Variants in STING1 observed in about 807,000 individuals in gnomAD.
STING1 encodes the protein stimulator of interferon genes protein.
In STING1, 19 loss-of-function variants were observed where a neutral mutation model predicts 31.6. The ratio of observed to expected loss-of-function variants is 0.60; its 90% CI spans 0.42 to 0.88. The LOEUF is 0.88. STING1 is among the 40% of genes least tolerant of loss of function. The pLI is 0.00. For synonymous variants in STING1, 200 were observed against 208.6 expected, an observed-to-expected ratio of 0.96 and a Z score of 0.35; for missense variants, 371 against 483.7, an observed-to-expected ratio of 0.77 and a Z score of 2.19.
Position 139,482,191 on chromosome 5 carries a change from A to G in STING1, c.-1+19T>C, listed in dbSNP as rs959422485. On this transcript the variant is annotated intron_variant, in intron 2 of 7. Transcript: ENST00000330794. ...GGGGCCCTAGGTTTGGCGTTCTGCC[A>G]GGCTGATCTTGAGCCTACCTTCTGC... 2 of 153,168 alleles carry G rather than the reference A, an allele frequency of 1.3e-5. No homozygotes were observed. Among genetic ancestry groups the G allele is most frequent in the Non-Finnish European group, 1.5e-5 (1 of 68,722 alleles). 9.5% of individuals were successfully genotyped at this position (153,168 alleles called of 1,614,324 possible). A position where few individuals can be genotyped will look rare whatever the true frequency, so the allele number is the denominator to read the frequency against.
rs752593968 is a variant in STING1, at chr5:139,478,339, A to G, written c.690T>C (p.Gly230=). Residue 230 remains glycine (G), a synonymous_variant, in exon 6 of 8, where the codon GGT becomes GGC. Transcript: ENST00000330794. ...CCCGATCCTTGATGCCAGCATGGTC[A>G]CCGGTCTGCTGGGGCAGTTTATCCA... ...RFLDKLPQQT[G]DHAGIKDRVY... is the part of the protein sequence containing the mutation. 5 of 1,614,032 alleles carry G rather than the reference A, an allele frequency of 3.1e-6. No individual in the cohort carries two copies. In the African/African-American group the frequency reaches 5.3e-5, roughly 17 times the overall value.
rs1751633704 is a variant in STING1 at position 139,475,704 on chromosome 5, A to T, written c.*557T>A. ...CTAGAGATAGTCATGATTACGCAAGAGTTGCCCGGCAGGAGAGTCCATAGC... is the reference window on the plus strand; with the variant it reads ...CTAGAGATAGTCATGATTACGCAAGTGTTGCCCGGCAGGAGAGTCCATAGC... On this transcript the variant is annotated 3_prime_UTR_variant, in exon 8 of 8. Coordinates refer to ENST00000330794, the MANE Select transcript of STING1 (RefSeq NM_198282.4). The T allele has an allele frequency of 6.6e-6, 1 of 152,494 alleles. No homozygotes were observed. Among genetic ancestry groups the T allele is most frequent in the African/African-American group, 2.4e-5 (1 of 41,438 alleles). The allele number at this position is 152,494 out of a possible 1,614,324, so 9.4% of individuals were successfully genotyped here.
chr5:139,476,154 GC>G lies in STING1; in HGVS notation c.*106del. 2 of 880,680 alleles carry G rather than the reference GC, an allele frequency of 2.3e-6. No homozygotes were observed. The highest frequency in any genetic ancestry group is 1.8e-5 in the South Asian group (1 of 56,576). 54.6% of individuals were successfully genotyped at this position (880,680 alleles called of 1,614,324 possible). A position where few individuals can be genotyped will look rare whatever the true frequency, so the allele number is the denominator to read the frequency against. On this transcript the variant is annotated 3_prime_UTR_variant, in exon 8 of 8. Coordinates refer to ENST00000330794, the MANE Select transcript of STING1 (RefSeq NM_198282.4). ...CAAGTCCTGGACCCTTCCCTGCAAG[GC>G]CCCCTGTGGAAGGAAATAGCTCTGC...
At chr5:139,479,073 AC>A (rs1751751686) in intron 5 of STING1, 1 of 153,336 alleles carries the variant, frequency 6.5e-6, no homozygotes, top group Admixed American at 6.5e-5. Context: ...TACTAAAAAT[AC>A]AAAAATTAGC....
chr5:139,477,021 G>T (rs1445599009), intron 7 of STING1, among the ~76,000 whole-genome samples: 1 of 152,086 alleles, frequency 6.6e-6, no homozygotes, highest in Non-Finnish European at 1.5e-5. Flanking sequence ...GGGAGTAGTA[G>T]AGCCGAGGCT....
Position 139,476,380 on chromosome 5 carries a change from C to A in STING1, c.1021G>T (p.Val341Phe). The A allele has an allele frequency of 6.2e-7, 1 of 1,612,772 alleles. No homozygotes were observed. The highest frequency in any genetic ancestry group is 8.5e-7 in the Non-Finnish European group (1 of 1,180,018). The stretch of plus-strand genomic sequence containing the variant: ...GAGGTCTTCAAGCTGCCCACAGTAA[C>A]CTCTTCCTTTTCCTCCTGCCGCAGG... Reference protein sequence around the residue: ...RHLRQEEKEEVTVGSLKTSAV... With the variant: ...RHLRQEEKEEFTVGSLKTSAV... Residue 341 changes from valine (V) to phenylalanine (F), a missense_variant, in exon 8 of 8, where the codon GTT becomes TTT. Physicochemically the swap from Val to Phe is conservative, Grantham distance 50. Transcript: ENST00000330794.
At chr5:139,480,003 C>CAAA (rs552338116) in intron 5 of STING1, among the ~76,000 whole-genome samples, 1 of 89,004 alleles carries the variant, frequency 1.1e-5, no homozygotes. Context: ...GACTTTGTCT[C>CAAA]AAAAAAAAAA....
chr5:139,479,848 C>CAAAAAAAAAAAA lies in STING1; in HGVS notation c.520+930_520+941dup, dbSNP rs1168023127. 8.3e-4 allele frequency among the ~76,000 whole-genome samples: 29 copies of CAAAAAAAAAAAA among 34,912 alleles called. 7 individuals carry two copies. The highest frequency in any genetic ancestry group is 1.1e-3 in the Non-Finnish European group (26 of 23,892). The allele number at this position is 34,912 out of a possible 152,430, so 22.9% of individuals were successfully genotyped here. A position where few individuals can be genotyped will look rare whatever the true frequency, so the allele number is the denominator to read the frequency against. On this transcript the variant is annotated intron_variant, in intron 5 of 7. Coordinates refer to ENST00000330794, the MANE Select transcript of STING1 (RefSeq NM_198282.4). ...TGAAACCCTGTCTCTACTAAAAATACAAAAAAAAAAAAAAAAAAAAAAAAA... is the reference window on the plus strand; with the variant it reads ...TGAAACCCTGTCTCTACTAAAAATACAAAAAAAAAAAAAAAAAAAAAAAAAAAAAAAAAAAAA...
chr5:139,477,973 C>A (rs1478806833), intron 6 of STING1, among the ~76,000 whole-genome samples: 1 of 152,172 alleles, frequency 6.6e-6, no homozygotes, highest in Non-Finnish European at 1.5e-5. Flanking sequence ...TGTCTCTGAG[C>A]CTCAGTGTCC....
At position 139,478,461 on chromosome 5, in the gene STING1, G is replaced by A. The variant is rs780364009; in HGVS notation, c.568C>T (p.Leu190=). The A allele has an allele frequency of 1.2e-6, 2 of 1,614,182 alleles. No individual in the cohort carries two copies. The highest frequency in any genetic ancestry group is 2.2e-5 in the East Asian group (1 of 44,884). ...RTYNQHYNNL[L]RGAVSQRLYI... is the part of the protein sequence containing the mutation. ...AGCCGCTGGCTCACTGCACCCCGTA[G>A]CAGGTTGTTGTAATGCTGATTGTAA... The change falls in exon 6 of 8, where the codon CTA becomes TTA. Residue 190 remains leucine (L), a synonymous_variant. Transcript: ENST00000330794.
chr5:139,481,155 A>G lies in STING1; in HGVS notation c.411+4T>C, dbSNP rs375733291. On this transcript the variant is annotated splice_donor_region_variant and intron_variant, in intron 4 of 7. Coordinates refer to ENST00000330794, the MANE Select transcript of STING1 (RefSeq NM_198282.4). The surrounding 1 kb of genome is among the most constrained non-coding windows in gnomAD (Gnocchi z 4.1). ...CAGAGCTTCTACCTCCCCCTGTGTC[A>G]TACCTTGAGGCCCAGGAGGATGTTC... 1.5e-5 allele frequency: 25 copies of G among 1,613,870 alleles called. No homozygotes were observed. The highest frequency in any genetic ancestry group is 1.7e-4 in the Middle Eastern group (1 of 6,026).
At position 139,478,268 on chromosome 5, in the gene STING1, A is replaced by G; in HGVS notation, c.759+2T>C. 6.2e-7 allele frequency: 1 copy of G among 1,610,792 alleles called. No homozygotes were observed. Among genetic ancestry groups the G allele is most frequent in the Non-Finnish European group, 8.5e-7 (1 of 1,177,950 alleles). On this transcript the variant is annotated splice_donor_variant, in intron 6 of 7. Transcript: ENST00000330794. LOFTEE classifies it high-confidence loss of function. ...GAGACCCCCACTCCCCTGCACACTT[A>G]CCCGCTGCCCGTTCTCCAGAAGCTC...
In STING1 at chr5:139,478,406, AC is replaced by A. The variant is rs747566202; in HGVS notation, c.622del (p.Val208CysfsTer5). 6.8e-6 allele frequency: 11 copies of A among 1,614,000 alleles called. No homozygotes were observed. The African/African-American group carries it at 1.5e-4, about 22-fold the overall frequency. On this transcript the variant is annotated frameshift_variant, in exon 6 of 8. Coordinates refer to ENST00000330794, the MANE Select transcript of STING1 (RefSeq NM_198282.4). LOFTEE classifies it high-confidence loss of function. ...LYILLPLDCG[V>X]PDNLSMADPN... ...GTCAGCCATACTCAGGTTATCAGGC[AC>A]CCCACAGTCCAATGGGAGGAGAATA... is the stretch of plus-strand genomic sequence containing the variant.
At position 139,481,300 on chromosome 5, in the gene STING1, G is replaced by A; in HGVS notation, c.270C>T (p.Gly90=). ...ACAGGGCCCCACGGCGGAGGGGGCAGCCCAGGCAGGCCCGCACAGTCCTCC... is the reference window on the plus strand; with the variant it reads ...ACAGGGCCCCACGGCGGAGGGGGCAACCCAGGCAGGCCCGCACAGTCCTCC... ...SYWRTVRACL[G]CPLRRGALLL... is the part of the protein sequence containing the mutation. The change falls in exon 4 of 8, where the codon GGC becomes GGT. Residue 90 remains glycine, a synonymous_variant. Transcript: ENST00000330794. The surrounding 1 kb of genome is among the most constrained non-coding windows in gnomAD (Gnocchi z 4.1). 6.2e-7 allele frequency: 1 copy of A among 1,609,018 alleles called. No homozygotes were observed. Among genetic ancestry groups the A allele is most frequent in the Non-Finnish European group, 8.5e-7 (1 of 1,177,530 alleles).
rs1470303750 is a variant in STING1, at chr5:139,476,006, G to A, written c.*255C>T. ...TTTATGAAAAACTTCCACACACTCA[G>A]TCCTCACAACAACCGTGAGGGAGGT... is the stretch of plus-strand genomic sequence containing the variant. On this transcript the variant is annotated 3_prime_UTR_variant, in exon 8 of 8. Transcript: ENST00000330794. 4.5e-6 allele frequency: 2 copies of A among 441,176 alleles called. No homozygotes were observed. The highest frequency in any genetic ancestry group is 3.9e-5 in the African/African-American group (2 of 51,420). 27.3% of individuals were successfully genotyped at this position (441,176 alleles called of 1,614,324 possible).
At chr5:139,478,577 C>T (rs1751734739) in intron 5 of STING1, 69 bp from the exon 6 acceptor site, 4 of 1,368,266 alleles carry the variant, frequency 2.9e-6, no homozygotes, top group Non-Finnish European at 3.1e-6. Context: ...GAGTGAGACC[C>T]AGGTCATTGG....
At position 139,481,725 on chromosome 5, in the gene STING1, A is replaced by G; in HGVS notation, c.1-21T>C. 6.3e-7 allele frequency: 1 copy of G among 1,578,848 alleles called. No individual in the cohort carries two copies. On this transcript the variant is annotated intron_variant, in intron 2 of 7. Transcript: ENST00000330794. The surrounding 1 kb of genome is among the most constrained non-coding windows in gnomAD (Gnocchi z 4.1). The stretch of plus-strand genomic sequence containing the variant: ...GGCATCTGTGGGCACCAAGAAATCC[A>G]TGACCATTCTCCCCTTGCCCTCCTG...
rs1284542477 is a variant in STING1 at position 139,475,942 on chromosome 5, G to T, written c.*319C>A. 4.5e-6 allele frequency: 1 copy of T among 222,542 alleles called. No individual in the cohort carries two copies. The highest frequency in any genetic ancestry group is 2.3e-5 in the African/African-American group (1 of 44,338). 13.8% of individuals were successfully genotyped at this position (222,542 alleles called of 1,614,324 possible). On this transcript the variant is annotated 3_prime_UTR_variant, in exon 8 of 8. Coordinates refer to ENST00000330794, the MANE Select transcript of STING1 (RefSeq NM_198282.4). ...AGTGGGTCTGGAAGGCCCCATGAAA[G>T]ACACCTGGCACACCCCCTAAGTACA...
intron 7 of STING1, 104 bp from the exon 8 acceptor site, chr5:139,476,558 C>T (rs534922966): frequency 6.8e-6 from 7 of 1,025,736 alleles, no homozygotes; most frequent in Admixed American, 2.4e-5. Flanking sequence ...TCCCTACCCC[C>T]CTTCCTACCC....
Sources: gnomAD v4.1 joint callset for allele counts (sites outside exome capture counted in the v4.1 genomes callset) on GRCh38, gnomAD v4.1.1 for gene constraint, Gnocchi (gnomAD v3.1) non-coding constraint, MANE v1.5 for transcripts, NCBI Gene and HGNC (gene_info 2026-07-23, HGNC 2026-07-21) for gene names.